Variants in MYT1L observed in about 807,000 individuals in gnomAD.
The protein encoded by MYT1L is myelin transcription factor 1 like.
Under a neutral mutation model 126.7 loss-of-function variants are expected in MYT1L, and 12 were observed. The observed-to-expected ratio is 0.09, with a 90% CI of 0.06 to 0.15. MYT1L has a LOEUF of 0.15. Among genes scored for constraint, MYT1L ranks in the 10% least tolerant of loss-of-function variants. The pLI is 1.00. For synonymous variants in MYT1L, 541 were observed against 604.2 expected (o/e 0.90, Z 1.53); for missense variants, 979 against 1,585.2 (o/e 0.62, Z 6.49).
chr2:1,945,565 C>T (rs2057135727), intron 8 of MYT1L, among the ~76,000 whole-genome samples: 1 of 152,204 alleles, frequency 6.6e-6, no homozygotes, highest in Non-Finnish European at 1.5e-5. Context: ...TGTTGGTCAA[C>T]TGACTTTGGA....
At chr2:2,206,297 T>C (rs1005625055) in intron 2 of MYT1L, among the ~76,000 whole-genome samples, 1 of 152,190 alleles carries the variant, frequency 6.6e-6, no homozygotes, top group South Asian at 2.1e-4. Context: ...CATACTTTCA[T>C]GTCTTTGAAC....
chr2:1,920,500 T>A (rs1331258887), intron 10 of MYT1L, among the ~76,000 whole-genome samples: 2 of 152,126 alleles, frequency 1.3e-5, no homozygotes, highest in Non-Finnish European at 2.9e-5. Flanking sequence ...GTCTAAAACA[T>A]AAGCCTAAGC....
intron 2 of MYT1L, among the ~76,000 whole-genome samples, chr2:2,186,258 G>T (rs1363887766): frequency 1.3e-5 from 2 of 149,988 alleles, no homozygotes; most frequent in African/African-American, 2.5e-5. Flanking sequence ...AGGCCTTCCG[G>T]GCCTTCCCGA....
At chr2:1,987,396 T>C (rs1371615008) in intron 5 of MYT1L, among the ~76,000 whole-genome samples, 1 of 151,920 alleles carries the variant, frequency 6.6e-6, no homozygotes. Flanking sequence ...AAATTTCTCT[T>C]GGCCTCAGAT....
At chr2:1,992,340 T>C (rs2061510799) in intron 5 of MYT1L, among the ~76,000 whole-genome samples, 1 of 152,224 alleles carries the variant, frequency 6.6e-6, no homozygotes, top group African/African-American at 2.4e-5. Context: ...CATTCTGGTT[T>C]TGGCTGTTGC....
rs1309038716 is a variant in MYT1L, at chr2:1,891,962, CGT to C, written c.2283+73_2283+74del. Reference sequence around the variant, plus strand: ...CCATACAGCTGCCCCGAAAGCGCCGCGTGTCTCGGTGGCTGGGTCCGCGGCCC... The same window carrying C: ...CCATACAGCTGCCCCGAAAGCGCCGCGTCTCGGTGGCTGGGTCCGCGGCCC... On this transcript the variant is annotated intron_variant, in intron 15 of 24. Coordinates refer to ENST00000647738, the MANE Select transcript of MYT1L (RefSeq NM_001303052.2). 10 of 1,441,642 alleles carry C rather than the reference CGT, an allele frequency of 6.9e-6. No homozygotes were observed. In the East Asian group the frequency reaches 7.6e-5, roughly 11 times the overall value. The allele number at this position is 1,441,642 out of a possible 1,614,324, so 89.3% of individuals were successfully genotyped here. A position where few individuals can be genotyped will look rare whatever the true frequency, so the allele number is the denominator to read the frequency against.
chr2:1,834,981 C>A (rs1039252218), intron 21 of MYT1L, among the ~76,000 whole-genome samples: 2 of 124,846 alleles, frequency 1.6e-5, no homozygotes, highest in Non-Finnish European at 3.2e-5. Flanking sequence ...CCTCCACATA[C>A]CACGGGGATG....
intron 2 of MYT1L, among the ~76,000 whole-genome samples, chr2:2,231,604 T>C (rs751921360): frequency 7.2e-5 from 11 of 151,974 alleles, no homozygotes; most frequent in Non-Finnish European, 1.5e-4. Context: ...TGCAACACCA[T>C]GCCCAGATAA....
At chr2:1,861,425 C>T (rs1202928590) in intron 18 of MYT1L, among the ~76,000 whole-genome samples, 2 of 146,786 alleles carry the variant, frequency 1.4e-5, no homozygotes, top group Non-Finnish European at 3.1e-5. Flanking sequence ...TTTTCCTCTT[C>T]AGCAGAAATG....
chr2:1,843,232 A>G (rs975797156), intron 19 of MYT1L, among the ~76,000 whole-genome samples: 1 of 152,234 alleles, frequency 6.6e-6, no homozygotes, highest in Non-Finnish European at 1.5e-5. Flanking sequence ...CGGCCGCTGC[A>G]GGCTCACACG....
chr2:2,138,192 C>G (rs1396933361), intron 3 of MYT1L, among the ~76,000 whole-genome samples: 5 of 151,796 alleles, frequency 3.3e-5, no homozygotes, highest in Admixed American at 3.3e-4. Context: ...AGTCAGGAAA[C>G]AACAGGTGCT....
At chr2:2,099,079 T>C (rs1464654073) in intron 3 of MYT1L, among the ~76,000 whole-genome samples, 1 of 152,146 alleles carries the variant, frequency 6.6e-6, no homozygotes, top group Non-Finnish European at 1.5e-5. Flanking sequence ...CAGAGACAAA[T>C]GCATTGCAGA....
intron 3 of MYT1L, among the ~76,000 whole-genome samples, chr2:2,076,528 A>C (rs556506493): frequency 2.0e-5 from 3 of 152,180 alleles, no homozygotes; most frequent in Non-Finnish European, 4.4e-5. Context: ...GACAAACTAC[A>C]AGCTCCAAGA....
chr2:2,219,162 G>A (rs2093779548), intron 2 of MYT1L, among the ~76,000 whole-genome samples: 1 of 152,154 alleles, frequency 6.6e-6, no homozygotes, highest in East Asian at 1.9e-4. Flanking sequence ...TGATTTTACA[G>A]TTTTGCCATG....
In MYT1L at chr2:1,943,897, T is replaced by C. The variant is rs1477570774; in HGVS notation, c.153-563A>G. On this transcript the variant is annotated intron_variant, in intron 8 of 24. Coordinates refer to ENST00000647738, the MANE Select transcript of MYT1L (RefSeq NM_001303052.2). This position sits in a 1 kb window ranked among gnomAD's most constrained non-coding sequence, Gnocchi z 4.4. ...CAAGATGAGCCCTAGGGCTTGTCAA[T>C]GTTGTATGAAAGCAACTGCATCATT... 6.6e-6 allele frequency among the ~76,000 whole-genome samples: 1 copy of C among 152,202 alleles called. No individual in the cohort carries two copies. The highest frequency in any genetic ancestry group is 1.5e-5 in the Non-Finnish European group (1 of 68,038).
intron 3 of MYT1L, among the ~76,000 whole-genome samples, chr2:2,107,157 C>T (rs984147025): frequency 6.6e-6 from 1 of 152,198 alleles, no homozygotes; most frequent in African/African-American, 2.4e-5. Flanking sequence ...AAAAAGGAAG[C>T]AAATGATAAC....
chr2:1,874,254 G>T (rs113040072), intron 18 of MYT1L, among the ~76,000 whole-genome samples: 1,844 of 151,926 alleles, frequency 0.012, 37 homozygotes, highest in African/African-American at 0.04. Flanking sequence ...TCAAAGGAAA[G>T]ATACAAGTCA....
intron 10 of MYT1L, among the ~76,000 whole-genome samples, chr2:1,918,263 T>C (rs2053130106): frequency 6.6e-6 from 1 of 152,226 alleles, no homozygotes; most frequent in Admixed American, 6.5e-5. Flanking sequence ...ATATGCAATA[T>C]AATAACTTCA....
intron 3 of MYT1L, among the ~76,000 whole-genome samples, chr2:2,163,618 G>A (rs985803510): frequency 1.3e-5 from 2 of 151,644 alleles, no homozygotes; most frequent in African/African-American, 2.4e-5. Flanking sequence ...TGTAGTCCCA[G>A]CTACTCGGGA....
Sources: gnomAD v4.1 joint callset for allele counts (sites outside exome capture counted in the v4.1 genomes callset) on GRCh38, gnomAD v4.1.1 for gene constraint, Gnocchi (gnomAD v3.1) non-coding constraint, MANE v1.5 for transcripts, NCBI Gene and HGNC (gene_info 2026-07-23, HGNC 2026-07-21) for gene names.